Variants in CSMD1 observed in about 807,000 individuals in gnomAD.
The protein encoded by CSMD1 is CUB and sushi domain-containing protein 1.
Under a neutral mutation model 417.5 loss-of-function variants are expected in CSMD1, and 213 were observed. The observed-to-expected ratio is 0.51, with a 90% CI of 0.46 to 0.57. CSMD1 has a LOEUF of 0.57. CSMD1 is among the 20% of genes least tolerant of loss of function. The pLI, the probability that CSMD1 is intolerant of heterozygous loss-of-function variation, is 0.00. For missense variants in CSMD1, 6,923 were observed against 4,529.7 expected (o/e 1.53, Z -15.17); for synonymous variants, 2,862 against 1,736.8 (o/e 1.65, Z -16.11).
intron 5 of CSMD1, among the ~76,000 whole-genome samples, chr8:3,920,137 G>T (rs1415798170): frequency 1.3e-5 from 2 of 151,958 alleles, no homozygotes; most frequent in Admixed American, 6.6e-5. Flanking sequence ...ACACTCAGGT[G>T]ATCTTCCTGC....
chr8:4,317,921 C>A (rs1554528446), intron 3 of CSMD1, among the ~76,000 whole-genome samples: 1 of 152,068 alleles, frequency 6.6e-6, no homozygotes, highest in Non-Finnish European at 1.5e-5. Flanking sequence ...AACAAAATGT[C>A]AAGAATGATG....
intron 2 of CSMD1, among the ~76,000 whole-genome samples, chr8:4,511,332 A>T (rs1255126515): frequency 6.6e-6 from 1 of 152,186 alleles, no homozygotes; most frequent in Non-Finnish European, 1.5e-5. Context: ...ACAGCACAGG[A>T]AAGTGACCAG....
intron 1 of CSMD1, among the ~76,000 whole-genome samples, chr8:4,718,958 T>C (rs905979466): frequency 6.6e-6 from 1 of 152,092 alleles, no homozygotes; most frequent in Non-Finnish European, 1.5e-5. Flanking sequence ...AATGAGAACG[T>C]TCATTATATA....
chr8:4,603,178 T>G (rs1800686925), intron 2 of CSMD1, among the ~76,000 whole-genome samples: 1 of 152,030 alleles, frequency 6.6e-6, no homozygotes, highest in Admixed American at 6.6e-5. Context: ...TCAGTTCTAA[T>G]TATGTGCTTA....
At chr8:3,429,810 T>A (rs1278816671) in intron 12 of CSMD1, among the ~76,000 whole-genome samples, 1 of 152,130 alleles carries the variant, frequency 6.6e-6, no homozygotes, top group Non-Finnish European at 1.5e-5. Context: ...TATAATAAAT[T>A]ACAGATAGTC....
At chr8:3,446,960 G>C (rs1281560267) in intron 12 of CSMD1, among the ~76,000 whole-genome samples, 1 of 152,198 alleles carries the variant, frequency 6.6e-6, no homozygotes, top group African/African-American at 2.4e-5. Flanking sequence ...CTCACACATA[G>C]TGACTTGTTA....
At chr8:2,945,822 TCAAA>T (rs540027188) in intron 68 of CSMD1, among the ~76,000 whole-genome samples, 57 of 152,322 alleles carry the variant, frequency 3.7e-4, no homozygotes, top group Non-Finnish European at 5.9e-4. Context: ...CAATGATAAA[TCAAA>T]CAGTGTTTAG....
intron 11 of CSMD1, among the ~76,000 whole-genome samples, chr8:3,485,231 G>C (rs577224247): frequency 6.6e-6 from 1 of 152,278 alleles, no homozygotes; most frequent in South Asian, 2.1e-4. Flanking sequence ...CAAAAAACGG[G>C]AGGAAACGAT....
intron 5 of CSMD1, among the ~76,000 whole-genome samples, chr8:3,818,082 C>T (rs1268982913): frequency 6.6e-6 from 1 of 152,188 alleles, no homozygotes; most frequent in East Asian, 1.9e-4. Flanking sequence ...GGTCCGGGCT[C>T]AGCCAGCCTG....
At chr8:3,724,639 G>C (rs984001968) in intron 6 of CSMD1, among the ~76,000 whole-genome samples, 4 of 152,122 alleles carry the variant, frequency 2.6e-5, no homozygotes, top group Non-Finnish European at 5.9e-5. Context: ...ATGCAGGAAG[G>C]ACATTTACCC....
At position 3,647,719 on chromosome 8, in the gene CSMD1, A is replaced by G. The variant is rs1332276960; in HGVS notation, c.1010-30922T>C. On this transcript the variant is annotated intron_variant, in intron 7 of 69. Transcript: ENST00000635120. ...ACATTGATTTTCTTTGGAGAAAACA[A>G]ACGTTAAAGTATTGATTGGAGGGAG... 2.0e-5 allele frequency among the ~76,000 whole-genome samples: 3 copies of G among 152,218 alleles called. No homozygotes were observed. In the South Asian group the frequency reaches 6.2e-4, roughly 31 times the overall value.
chr8:3,041,822 G>C (rs1488401682), intron 50 of CSMD1, among the ~76,000 whole-genome samples: 1 of 152,206 alleles, frequency 6.6e-6, no homozygotes, highest in Non-Finnish European at 1.5e-5. Flanking sequence ...TCAAATGGCG[G>C]TAAACCCCAT....
At chr8:3,971,156 T>A (rs35591770) in intron 5 of CSMD1, among the ~76,000 whole-genome samples, 1 of 111,988 alleles carries the variant, frequency 8.9e-6, no homozygotes, top group Non-Finnish European at 2.0e-5. Context: ...CTATTTACGC[T>A]GCCTCCTGGC....
At chr8:4,077,557 C>T (rs1287419100) in intron 3 of CSMD1, among the ~76,000 whole-genome samples, 1 of 151,884 alleles carries the variant, frequency 6.6e-6, no homozygotes, top group Non-Finnish European at 1.5e-5. Context: ...CAACACATTC[C>T]CTGTAAACCA....
At chr8:4,608,317 G>A (rs1051204175) in intron 2 of CSMD1, among the ~76,000 whole-genome samples, 4 of 152,198 alleles carry the variant, frequency 2.6e-5, no homozygotes, top group African/African-American at 9.6e-5. Flanking sequence ...GGAGATGGGT[G>A]AGGAGGCAAC....
intron 37 of CSMD1, among the ~76,000 whole-genome samples, chr8:3,175,470 CTTTT>C (rs1563111462): frequency 4.1e-4 from 49 of 120,430 alleles, no homozygotes; most frequent in South Asian, 7.1e-4. Context: ...TTCCTTCCTT[CTTTT>C]CCCTTCCTTC....
chr8:3,941,684 T>G (rs964075280), intron 5 of CSMD1, among the ~76,000 whole-genome samples: 2 of 152,180 alleles, frequency 1.3e-5, no homozygotes, highest in Non-Finnish European at 2.9e-5. Flanking sequence ...TTGACTAGAA[T>G]GTAATGAGAT....
chr8:3,081,239 T>C (rs926516010), intron 49 of CSMD1, among the ~76,000 whole-genome samples: 1 of 152,326 alleles, frequency 6.6e-6, no homozygotes, highest in African/African-American at 2.4e-5. Flanking sequence ...TATTTGAATA[T>C]ATTCTTCTAG....
intron 3 of CSMD1, among the ~76,000 whole-genome samples, chr8:4,222,035 A>G (rs1044486497): frequency 1.3e-4 from 9 of 70,870 alleles, no homozygotes; most frequent in Admixed American, 4.9e-4. Context: ...TTAGTTCTCT[A>G]GAGTATGAGA....
Sources: allele counts gnomAD v4.1 joint callset (sites outside exome capture counted in the v4.1 genomes callset), GRCh38; gene constraint gnomAD v4.1.1; transcripts MANE v1.5; gene names NCBI Gene and HGNC (gene_info 2026-07-23, HGNC 2026-07-21).